XRRA1: variants seen among roughly 807,000 people sequenced by gnomAD.
XRRA1 encodes the protein X-ray radiation resistance-associated protein 1.
A neutral mutation model predicts 80.2 loss-of-function variants in XRRA1; 69 were observed. The observed-to-expected ratio is 0.86, with a 90% CI of 0.71 to 1.05. The LOEUF (loss-of-function observed/expected upper bound fraction) is 1.05. Ranked by LOEUF, XRRA1 falls within the 50% of genes least tolerant of loss-of-function variation. The pLI, the probability that XRRA1 is intolerant of heterozygous loss-of-function variation, is 0.00. For missense variants in XRRA1, 967 were observed against 976.4 expected (o/e 0.99, Z 0.13); for synonymous variants, 348 against 389.9 (o/e 0.89, Z 1.27).
chr11:74,861,455 C>T (rs1048136488), intron 11 of XRRA1, among the ~76,000 whole-genome samples: 5 of 152,116 alleles, frequency 3.3e-5, no homozygotes, highest in South Asian at 2.1e-4. Flanking sequence ...GTTGTGTGCT[C>T]GTTATGAGAA....
chr11:74,894,688 TG>T (rs1248389027), intron 10 of XRRA1, among the ~76,000 whole-genome samples: 1 of 152,066 alleles, frequency 6.6e-6, no homozygotes, highest in East Asian at 1.9e-4. Context: ...TCCCACTGGG[TG>T]GGGATTATGG....
chr11:74,873,656 C>T (rs1263571613), intron 10 of XRRA1, among the ~76,000 whole-genome samples: 1 of 152,164 alleles, frequency 6.6e-6, no homozygotes, highest in Non-Finnish European at 1.5e-5. Context: ...TTTTGTGCCC[C>T]AACTGAGGAA....
intron 4 of XRRA1, among the ~76,000 whole-genome samples, chr11:74,934,991 A>G (rs1447057144): frequency 6.6e-6 from 1 of 152,200 alleles, no homozygotes; most frequent in African/African-American, 2.4e-5. Flanking sequence ...TGTTATTCAC[A>G]TTTCTCCAAA....
At chr11:74,862,413 G>T (rs545626790) in intron 11 of XRRA1, among the ~76,000 whole-genome samples, 3 of 152,346 alleles carry the variant, frequency 2.0e-5, no homozygotes, top group Admixed American at 6.5e-5. Flanking sequence ...ATGCAGGTTG[G>T]CTAAATGAAG....
chr11:74,870,653 G>C (rs934510351), intron 10 of XRRA1, among the ~76,000 whole-genome samples: 1 of 152,140 alleles, frequency 6.6e-6, no homozygotes, highest in African/African-American at 2.4e-5. Flanking sequence ...AGATCACATG[G>C]TATTTCAAGG....
chr11:74,870,617 A>G (rs1368620443), intron 10 of XRRA1, among the ~76,000 whole-genome samples: 1 of 152,168 alleles, frequency 6.6e-6, no homozygotes, highest in East Asian at 1.9e-4. Flanking sequence ...CCTGGCAGTG[A>G]GCATCTCTCT....
intron 1 of XRRA1, among the ~76,000 whole-genome samples, chr11:74,946,301 A>G (rs768293791): frequency 6.6e-6 from 1 of 152,114 alleles, no homozygotes; most frequent in Non-Finnish European, 1.5e-5. Context: ...CCCCACCCAA[A>G]TCTCATCTTG....
chr11:74,927,491 A>G lies in XRRA1; in HGVS notation c.425-3T>C, dbSNP rs1167389780. Reference sequence around the variant, plus strand: ...GGCTGGAAACGTGTGAAATGCCTCTACATGGGGAAGAGAAAGAGAGAGTCT... The same window carrying G: ...GGCTGGAAACGTGTGAAATGCCTCTGCATGGGGAAGAGAAAGAGAGAGTCT... On this transcript the variant is annotated splice_region_variant and splice_polypyrimidine_tract_variant and intron_variant, in intron 6 of 18. Coordinates refer to ENST00000684022, the MANE Select transcript of XRRA1 (RefSeq NM_001378157.1). 14 of 1,597,546 alleles carry G rather than the reference A, an allele frequency of 8.8e-6. No homozygotes were observed. Among genetic ancestry groups the G allele is most frequent in the Non-Finnish European group, 1.0e-5 (12 of 1,165,070 alleles).
At chr11:74,906,531 GA>G (rs2054639715) in intron 9 of XRRA1, 75 bp from the exon 10 acceptor site, 4 of 1,497,880 alleles carry the variant, frequency 2.7e-6, no homozygotes, top group Non-Finnish European at 2.7e-6. Context: ...CAACTTTAGG[GA>G]AAAAACATGG....
At chr11:74,866,411 G>T (rs73492799) in intron 10 of XRRA1, among the ~76,000 whole-genome samples, 1 of 151,836 alleles carries the variant, frequency 6.6e-6, no homozygotes, top group South Asian at 2.1e-4. Flanking sequence ...GCACCACCAT[G>T]CCTGGTTAAT....
At chr11:74,930,910 T>A (rs2139420610) in intron 5 of XRRA1, among the ~76,000 whole-genome samples, 1 of 152,234 alleles carries the variant, frequency 6.6e-6, no homozygotes, top group South Asian at 2.1e-4. Context: ...GCTCGGGTGA[T>A]CCTTCCACCT....
chr11:74,850,814 C>T (rs1371690430), intron 14 of XRRA1: 3 of 194,360 alleles, frequency 1.5e-5, no homozygotes, highest in Admixed American at 5.5e-5. Flanking sequence ...GGATTAGAGG[C>T]GTGAGCCACC....
At chr11:74,921,496 G>A in intron 7 of XRRA1, 149 bp from the exon 8 acceptor site, 1 of 1,063,586 alleles carries the variant, frequency 9.4e-7, no homozygotes, top group Non-Finnish European at 1.3e-6. Context: ...AGGTCTACTA[G>A]AGTCAGTACC....
intron 10 of XRRA1, among the ~76,000 whole-genome samples, chr11:74,874,908 A>C (rs148195686): frequency 6.6e-6 from 1 of 152,212 alleles, no homozygotes; most frequent in African/African-American, 2.4e-5. Flanking sequence ...GGGATATGCA[A>C]TGTACACTCT....
At chr11:74,865,624 C>T (rs1288269844) in intron 10 of XRRA1, among the ~76,000 whole-genome samples, 1 of 152,200 alleles carries the variant, frequency 6.6e-6, no homozygotes, top group Non-Finnish European at 1.5e-5. Context: ...CAGGGACCTG[C>T]TAGGTGACAT....
At chr11:74,917,138 C>T (rs1234149215) in intron 8 of XRRA1, among the ~76,000 whole-genome samples, 2 of 152,126 alleles carry the variant, frequency 1.3e-5, no homozygotes, top group Non-Finnish European at 2.9e-5. Flanking sequence ...GTGTGCACCT[C>T]AATGATGAGA....
intron 10 of XRRA1, among the ~76,000 whole-genome samples, chr11:74,882,560 C>T (rs1289401496): frequency 3.3e-5 from 5 of 152,296 alleles, no homozygotes; most frequent in African/African-American, 7.2e-5. Flanking sequence ...TGAGGAACTG[C>T]GTTCCTTTGG....
chr11:74,931,310 T>A (rs603062), intron 5 of XRRA1, among the ~76,000 whole-genome samples: 66,588 of 151,592 alleles, frequency 0.44, 15,097 homozygotes, highest in Middle Eastern at 0.52. Flanking sequence ...ATGTTGACAG[T>A]TGTAGTTCTA....
intron 8 of XRRA1, among the ~76,000 whole-genome samples, chr11:74,911,645 C>T (rs746432656): frequency 2.0e-5 from 3 of 152,138 alleles, no homozygotes; most frequent in Non-Finnish European, 2.9e-5. Context: ...TGGCCTAAAA[C>T]GATCTTCCCA....
Sources: gnomAD v4.1 joint callset for allele counts (sites outside exome capture counted in the v4.1 genomes callset) on GRCh38, gnomAD v4.1.1 for gene constraint, MANE v1.5 for transcripts, NCBI Gene and HGNC (gene_info 2026-07-23, HGNC 2026-07-21) for gene names.